The following CDH13 variants were observed in gnomAD, a reference collection of about 807,000 sequenced individuals.
The protein encoded by CDH13 is cadherin 13, also known as cadherin-13.
In CDH13, 24 loss-of-function variants were observed where a neutral mutation model predicts 63.8. That is an observed-to-expected ratio of 0.38 (90% CI 0.27 to 0.53). The LOEUF (loss-of-function observed/expected upper bound fraction) is 0.53. CDH13 is among the 20% of genes least tolerant of loss of function. The probability of loss-of-function intolerance (pLI) is 0.85; values close to 1 mark genes in which losing one functional copy is unlikely to be tolerated. For synonymous variants in CDH13, 503 were observed against 355.3 expected (o/e 1.42, Z -4.67); for missense variants, 1,049 against 903.1 (o/e 1.16, Z -2.07).
intron 4 of CDH13, among the ~76,000 whole-genome samples, chr16:83,136,498 A>G (rs1402455676): frequency 2.0e-5 from 3 of 151,770 alleles, no homozygotes; most frequent in Admixed American, 6.6e-5. Context: ...AAAAAAAAAA[A>G]AAAAAAAAAG....
At chr16:82,966,132 A>T (rs993895254) in intron 2 of CDH13, among the ~76,000 whole-genome samples, 8 of 151,950 alleles carry the variant, frequency 5.3e-5, no homozygotes, top group African/African-American at 1.9e-4. Flanking sequence ...AGTAGATACT[A>T]TTTTTCCTAT....
intron 3 of CDH13, among the ~76,000 whole-genome samples, chr16:83,040,088 A>G (rs1285061018): frequency 6.6e-6 from 1 of 151,746 alleles, no homozygotes; most frequent in Non-Finnish European, 1.5e-5. Flanking sequence ...GCTCCCATGC[A>G]GCACACTAAG....
chr16:83,767,484 A>G (rs563187607), intron 11 of CDH13, among the ~76,000 whole-genome samples: 2 of 152,312 alleles, frequency 1.3e-5, no homozygotes, highest in African/African-American at 2.4e-5. Flanking sequence ...CTGTGAGTCA[A>G]TTAAACCTCT....
chr16:83,077,707 C>G (rs746738882), intron 3 of CDH13, among the ~76,000 whole-genome samples: 8 of 152,068 alleles, frequency 5.3e-5, no homozygotes, highest in Non-Finnish European at 1.0e-4. Context: ...ACCTGTTTTT[C>G]TTTCGCTTGG....
In CDH13 at chr16:83,072,297, A is replaced by G. The variant is rs148608424; in HGVS notation, c.366+40079A>G. On this transcript the variant is annotated intron_variant, in intron 3 of 13. Transcript: ENST00000567109. ...TTCCAAAGATACTTCAAAGTTTGCA[A>G]TCGTTTAGTTAATCTGTTGACAATG... 2.2e-4 allele frequency among the ~76,000 whole-genome samples: 33 copies of G among 152,322 alleles called. No individual in the cohort carries two copies. In the East Asian group the frequency reaches 5.6e-3, roughly 26 times the overall value.
chr16:83,304,594 G>A (rs1205052428), intron 5 of CDH13, among the ~76,000 whole-genome samples: 4 of 152,110 alleles, frequency 2.6e-5, no homozygotes, highest in Admixed American at 2.6e-4. Context: ...TGGGATCTTG[G>A]CCAGCTGGAT....
chr16:83,146,143 A>T (rs750163950), intron 4 of CDH13, among the ~76,000 whole-genome samples: 6 of 147,538 alleles, frequency 4.1e-5, no homozygotes, highest in Non-Finnish European at 7.4e-5. Context: ...ACAGTGAGCC[A>T]AGATTGTGCC....
chr16:83,307,125 C>T (rs886332043), intron 5 of CDH13, among the ~76,000 whole-genome samples: 2 of 152,172 alleles, frequency 1.3e-5, no homozygotes, highest in African/African-American at 4.8e-5. Context: ...ACAGGGTTTG[C>T]AGTCACTTCT....
chr16:82,675,166 G>A lies in CDH13; in HGVS notation c.45+48029G>A, dbSNP rs16958127. Among the ~76,000 whole-genome samples the A allele has an allele frequency of 2.3e-3, 352 of 152,276 alleles. 2 individuals are homozygous for A. Among genetic ancestry groups the A allele is most frequent in the African/African-American group, 8.2e-3 (339 of 41,568 alleles). ...AAGGGTGCCGTATTGAAAAAAATGTGTAAAAGACACACTACAGTGAATTAG... is the reference window on the plus strand; with the variant it reads ...AAGGGTGCCGTATTGAAAAAAATGTATAAAAGACACACTACAGTGAATTAG... On this transcript the variant is annotated intron_variant, in intron 1 of 13. Transcript: ENST00000567109.
chr16:83,586,393 T>C (rs1906159977), intron 7 of CDH13, among the ~76,000 whole-genome samples: 1 of 152,348 alleles, frequency 6.6e-6, no homozygotes, highest in Middle Eastern at 3.4e-3. Context: ...CTCCGTTTAT[T>C]GTTATTTTTA....
intron 2 of CDH13, among the ~76,000 whole-genome samples, chr16:82,897,014 C>T (rs1452172878): frequency 1.0e-5 from 1 of 96,728 alleles, no homozygotes; most frequent in East Asian, 2.0e-4. Context: ...GTATCCTGAC[C>T]TCGTGATTTC....
chr16:82,703,531 C>G (rs1052106434), intron 1 of CDH13, among the ~76,000 whole-genome samples: 2 of 152,178 alleles, frequency 1.3e-5, no homozygotes, highest in African/African-American at 2.4e-5. Context: ...AGAATGAGCT[C>G]CAGTAGCCCA....
chr16:83,026,360 C>G (rs190796403), intron 2 of CDH13, among the ~76,000 whole-genome samples: 9 of 152,158 alleles, frequency 5.9e-5, no homozygotes, highest in Non-Finnish European at 1.2e-4. Flanking sequence ...TATGGGACCA[C>G]GAGCTAGTCA....
chr16:83,140,959 G>C (rs1459205662), intron 4 of CDH13, among the ~76,000 whole-genome samples: 3 of 152,166 alleles, frequency 2.0e-5, no homozygotes, highest in African/African-American at 7.2e-5. Context: ...GTCTATTGAT[G>C]CACAATTGCT....
chr16:83,390,133 A>G (rs1195719225), intron 6 of CDH13, among the ~76,000 whole-genome samples: 1 of 152,184 alleles, frequency 6.6e-6, no homozygotes, highest in East Asian at 1.9e-4. Flanking sequence ...AACATGGAGC[A>G]CCCCAGAAAA....
intron 6 of CDH13, among the ~76,000 whole-genome samples, chr16:83,461,292 A>C (rs191012314): frequency 6.6e-6 from 1 of 152,156 alleles, no homozygotes; most frequent in Admixed American, 6.5e-5. Flanking sequence ...AGTATCAGCT[A>C]TGTAACATTT....
At chr16:82,862,030 A>C (rs1214908609) in intron 2 of CDH13, among the ~76,000 whole-genome samples, 4 of 152,234 alleles carry the variant, frequency 2.6e-5, no homozygotes, top group Non-Finnish European at 4.4e-5. Flanking sequence ...GCAACCACTC[A>C]GAAAGGAGGC....
At chr16:82,814,860 T>G (rs900060113) in intron 1 of CDH13, among the ~76,000 whole-genome samples, 3 of 152,074 alleles carry the variant, frequency 2.0e-5, no homozygotes, top group African/African-American at 7.2e-5. Context: ...GGATGTGGCT[T>G]TATCTCCAGG....
At chr16:83,166,177 G>T (rs2037658547) in intron 4 of CDH13, among the ~76,000 whole-genome samples, 1 of 152,110 alleles carries the variant, frequency 6.6e-6, no homozygotes, top group Non-Finnish European at 1.5e-5. Flanking sequence ...ATTTGCAATA[G>T]CTGATCCCTG....
Sources: allele counts gnomAD v4.1 joint callset (sites outside exome capture counted in the v4.1 genomes callset), GRCh38; gene constraint gnomAD v4.1.1; transcripts MANE v1.5; gene names NCBI Gene and HGNC (gene_info 2026-07-23, HGNC 2026-07-21).